Variants in SGCB observed in about 807,000 individuals in gnomAD.
SGCB encodes the protein beta-sarcoglycan.
SGCB carries 25 observed loss-of-function variants against 27.3 expected under a neutral mutation model. The observed-to-expected ratio is 0.92, with a 90% CI of 0.67 to 1.28. The LOEUF (loss-of-function observed/expected upper bound fraction) is 1.28, where lower values mean the gene tolerates loss of function less well. SGCB is among the 50% of genes most tolerant of loss of function. SGCB has a pLI of 0.00. For synonymous variants in SGCB, 147 were observed against 133.5 expected (o/e 1.10, Z -0.70); for missense variants, 436 against 402.1 (o/e 1.08, Z -0.72).
rs1252108877 is a variant in SGCB at position 52,022,980 on chromosome 4, T to C, written c.*977A>G. ...CTGTTTTGTTTGATTCTCATCTTCTTAGGTAAGTTTAAATTAACCTTTGTT... is the reference window on the plus strand; with the variant it reads ...CTGTTTTGTTTGATTCTCATCTTCTCAGGTAAGTTTAAATTAACCTTTGTT... On this transcript the variant is annotated 3_prime_UTR_variant, in exon 6 of 6. Transcript: ENST00000381431. 2.0e-5 allele frequency: 3 copies of C among 152,240 alleles called. No individual in the cohort carries two copies. In the East Asian group the frequency reaches 5.8e-4, roughly 29 times the overall value. The allele number at this position is 152,240 out of a possible 1,614,324, so 9.4% of individuals were successfully genotyped here.
Position 52,021,746 on chromosome 4 carries a change from T to C in SGCB, c.*2211A>G, listed in dbSNP as rs1736956426. ...CCCTGTTCTGCTTTCTAATAGATTT[T>C]CCAAGCTTATGTTTCAGGGAAAAAG... On this transcript the variant is annotated 3_prime_UTR_variant, in exon 6 of 6. Transcript: ENST00000381431. 1 of 152,282 alleles carries C rather than the reference T, an allele frequency of 6.6e-6. No homozygotes were observed. The highest frequency in any genetic ancestry group is 6.5e-5 in the Admixed American group (1 of 15,292). The allele number at this position is 152,282 out of a possible 1,614,324, so 9.4% of individuals were successfully genotyped here. A position where few individuals can be genotyped will look rare whatever the true frequency, so the allele number is the denominator to read the frequency against.
Position 52,032,979 on chromosome 4 carries a change from C to A in SGCB, c.243+452G>T, listed in dbSNP as rs116575693. On this transcript the variant is annotated intron_variant, in intron 2 of 5. Transcript: ENST00000381431. ...GGGGACTTAGGACTATAAAATATAA[C>A]CTTTTACTGCCATCAAAGGGTTTAA... Among the ~76,000 whole-genome samples the A allele has an allele frequency of 3.5e-3, 537 of 152,260 alleles. 3 individuals are homozygous for A. Among genetic ancestry groups the A allele is most frequent in the African/African-American group, 0.012 (518 of 41,538 alleles).
Position 52,023,616 on chromosome 4 carries a change from G to A in SGCB, c.*341C>T. On this transcript the variant is annotated 3_prime_UTR_variant, in exon 6 of 6. Coordinates refer to ENST00000381431, the MANE Select transcript of SGCB (RefSeq NM_000232.5). Reference sequence around the variant, plus strand: ...GTCTATCCCCATTAGAGTTACCAAAGTTTACTTACAGTGAATCTAAACAGC... The same window carrying A: ...GTCTATCCCCATTAGAGTTACCAAAATTTACTTACAGTGAATCTAAACAGC... The A allele has an allele frequency of 3.4e-6, 1 of 293,082 alleles. No homozygotes were observed. Among genetic ancestry groups the A allele is most frequent in the Non-Finnish European group, 6.6e-6 (1 of 150,990 alleles). The allele number at this position is 293,082 out of a possible 1,614,324, so 18.2% of individuals were successfully genotyped here.
At chr4:52,033,193 A>G (rs1248363636) in intron 2 of SGCB, among the ~76,000 whole-genome samples, 1 of 152,232 alleles carries the variant, frequency 6.6e-6, no homozygotes, top group Non-Finnish European at 1.5e-5. Flanking sequence ...GAGCCTCATA[A>G]TTCTATCCTT....
chr4:52,037,564 T>C (rs537087770), intron 1 of SGCB, among the ~76,000 whole-genome samples: 7 of 152,316 alleles, frequency 4.6e-5, no homozygotes, highest in African/African-American at 9.6e-5. Context: ...CACACACATA[T>C]GCATGTACAT....
chr4:52,031,811 G>A, intron 2 of SGCB: 1 of 433,728 alleles, frequency 2.3e-6, no homozygotes, highest in Middle Eastern at 3.4e-4. Flanking sequence ...TATTTGAGGG[G>A]TAGGGCTTGT....
rs1179417557 is a variant in SGCB, at chr4:52,024,062, G to A, written c.852C>T (p.Arg284=). 3 of 1,613,974 alleles carry A rather than the reference G, an allele frequency of 1.9e-6. No homozygotes were observed. The highest frequency in any genetic ancestry group is 2.2e-5 in the South Asian group (2 of 91,074). Residue 284 remains arginine (R), a synonymous_variant, in exon 6 of 6, where the codon CGC becomes CGT. Transcript: ENST00000381431. ...CATCAGCACACATGCAGAGCTTGTAGCGTACCCAGTCACCACTACCCAACT... is the reference window on the plus strand; with the variant it reads ...CATCAGCACACATGCAGAGCTTGTAACGTACCCAGTCACCACTACCCAACT... The part of the protein sequence containing the change: ...GDQLGSGDWV[R]YKLCMCADGT...
Position 52,028,026 on chromosome 4 carries a change from A to C in SGCB, c.695T>G (p.Val232Gly). The change falls in exon 5 of 6, where the codon GTA (valine) becomes GGA (glycine). Residue 232 changes from valine to glycine, a missense_variant. Physicochemically the swap from Val to Gly is moderately radical, Grantham distance 109. Transcript: ENST00000381431. ...GRAIVRGNEG[V>G]FIMGKTIEFH... ...TTCAATGGTTTTGCCCATAATGAAT[A>C]CACCTTCATTTCCACGCACAATAGC... The C allele has an allele frequency of 6.2e-7, 1 of 1,611,002 alleles. No homozygotes were observed. Among genetic ancestry groups the C allele is most frequent in the Non-Finnish European group, 8.5e-7 (1 of 1,177,154 alleles).
At chr4:52,032,449 T>C (rs1737273739) in intron 2 of SGCB, among the ~76,000 whole-genome samples, 4 of 152,330 alleles carry the variant, frequency 2.6e-5, no homozygotes, top group Admixed American at 2.0e-4. Flanking sequence ...CGTGACATTG[T>C]TACTTTGGAA....
rs768838951 is a variant in SGCB, at chr4:52,038,236, A to AGCC, written c.21_23dup (p.Ala9dup). ...GGCGGTACTCACAGACCTGTTCTGC[A>AGCC]GCCGCCGCCGCCGCTGCCGCCATCT... On this transcript the variant is annotated inframe_insertion, in exon 1 of 6. Transcript: ENST00000381431. 3.8e-4 allele frequency: 484 copies of AGCC among 1,286,260 alleles called. No individual in the cohort carries two copies. The highest frequency in any genetic ancestry group is 4.3e-4 in the Non-Finnish European group (437 of 1,012,908). The allele number at this position is 1,286,260 out of a possible 1,614,324, so 79.7% of individuals were successfully genotyped here.
rs571340124 is a variant in SGCB at position 52,023,922 on chromosome 4, A to G, written c.*35T>C. The G allele has an allele frequency of 3.3e-5, 51 of 1,562,192 alleles. No homozygotes were observed. In the East Asian group the frequency reaches 1.1e-3, roughly 33 times the overall value. ...TTTGCATGCATAAAAAAGTCAAGTCAAGATATAAACATGTTGGTGACCTCT... is the reference window on the plus strand; with the variant it reads ...TTTGCATGCATAAAAAAGTCAAGTCGAGATATAAACATGTTGGTGACCTCT... On this transcript the variant is annotated 3_prime_UTR_variant, in exon 6 of 6. Transcript: ENST00000381431.
In SGCB at chr4:52,023,916, C is replaced by A. The variant is rs1422312052; in HGVS notation, c.*41G>T. Reference sequence around the variant, plus strand: ...CAATGATTTGCATGCATAAAAAAGTCAAGTCAAGATATAAACATGTTGGTG... The same window carrying A: ...CAATGATTTGCATGCATAAAAAAGTAAAGTCAAGATATAAACATGTTGGTG... On this transcript the variant is annotated 3_prime_UTR_variant, in exon 6 of 6. Coordinates refer to ENST00000381431, the MANE Select transcript of SGCB (RefSeq NM_000232.5). The A allele has an allele frequency of 6.5e-7, 1 of 1,538,552 alleles. No homozygotes were observed. The highest frequency in any genetic ancestry group is 9.0e-7 in the Non-Finnish European group (1 of 1,111,716).
At chr4:52,036,469 T>C (rs1737394947) in intron 1 of SGCB, among the ~76,000 whole-genome samples, 1 of 152,166 alleles carries the variant, frequency 6.6e-6, no homozygotes, top group South Asian at 2.1e-4. Context: ...ACTGAAGAGT[T>C]AAAATAGGTT....
At chr4:52,025,291 G>C (rs760778602) in intron 5 of SGCB, among the ~76,000 whole-genome samples, 24 of 152,224 alleles carry the variant, frequency 1.6e-4, no homozygotes, top group Admixed American at 1.4e-3. Context: ...AGGATAAGTA[G>C]AGAGTGAGCA....
intron 1 of SGCB, among the ~76,000 whole-genome samples, chr4:52,033,917 T>C (rs1024952459): frequency 6.6e-6 from 1 of 152,100 alleles, no homozygotes; most frequent in African/African-American, 2.4e-5. Flanking sequence ...CTGAGCAGAG[T>C]TGTCATACGT....
chr4:52,023,021 TTAAA>T lies in SGCB; in HGVS notation c.*932_*935del, dbSNP rs1164835253. ...AACCTTTGTTCATCTTTCTAGAGTTTTAAATAATTAAAAAGTCAGTGCAGAGAGT... is the reference window on the plus strand; with the variant it reads ...AACCTTTGTTCATCTTTCTAGAGTTTTAATTAAAAAGTCAGTGCAGAGAGT... On this transcript the variant is annotated 3_prime_UTR_variant, in exon 6 of 6. Transcript: ENST00000381431. The T allele has an allele frequency of 2.0e-5, 3 of 152,216 alleles. No homozygotes were observed. The highest frequency in any genetic ancestry group is 4.4e-5 in the Non-Finnish European group (3 of 68,030). 9.4% of individuals were successfully genotyped at this position (152,216 alleles called of 1,614,324 possible). A position where few individuals can be genotyped will look rare whatever the true frequency, so the allele number is the denominator to read the frequency against.
At position 52,024,012 on chromosome 4, in the gene SGCB, G is replaced by T. The variant is rs775088127; in HGVS notation, c.902C>A (p.Thr301Asn). The change falls in exon 6 of 6, where the codon ACC becomes AAC. Residue 301 changes from threonine to asparagine, a missense_variant. Transcript: ENST00000381431. ...GATTTGGCAGCCCATGTTCTGGCTG[G>T]TTACTTGCACCTTGAAGAGCGTCCC... ...ADGTLFKVQVTSQNMGCQISD... is the reference protein window; with the variant it reads ...ADGTLFKVQVNSQNMGCQISD... The T allele has an allele frequency of 6.2e-7, 1 of 1,614,058 alleles. No homozygotes were observed. Among genetic ancestry groups the T allele is most frequent in the Non-Finnish European group, 8.5e-7 (1 of 1,180,034 alleles).
chr4:52,038,039 C>T (rs1737442780), intron 1 of SGCB, among the ~76,000 whole-genome samples, 188 bp downstream of exon 1: 1 of 151,932 alleles, frequency 6.6e-6, no homozygotes. Flanking sequence ...CTCCTGGTCC[C>T]TAGCTTGTGC....
chr4:52,037,330 A>G (rs1462234033), intron 1 of SGCB, among the ~76,000 whole-genome samples: 2 of 152,214 alleles, frequency 1.3e-5, no homozygotes, highest in African/African-American at 4.8e-5. Context: ...CCCTCCAGTG[A>G]CATATATCTA....
Sources: gnomAD v4.1 joint callset for allele counts (sites outside exome capture counted in the v4.1 genomes callset) on GRCh38, gnomAD v4.1.1 for gene constraint, MANE v1.5 for transcripts, NCBI Gene and HGNC (gene_info 2026-07-23, HGNC 2026-07-21) for gene names.